ZNRF2: variants seen among roughly 807,000 people sequenced by gnomAD.
The protein encoded by ZNRF2 is E3 ubiquitin-protein ligase ZNRF2.
A neutral mutation model predicts 20.4 loss-of-function variants in ZNRF2; 16 were observed. The ratio of observed to expected loss-of-function variants is 0.79; its 90% CI spans 0.53 to 1.19. The LOEUF (loss-of-function observed/expected upper bound fraction) is 1.19, where lower values mean the gene tolerates loss of function less well. ZNRF2 is among the 50% of genes most tolerant of loss of function. The pLI is 0.00. For synonymous variants in ZNRF2, 178 were observed against 144.9 expected (o/e 1.23, Z -1.64); for missense variants, 363 against 332.4 (o/e 1.09, Z -0.72).
intron 1 of ZNRF2, among the ~76,000 whole-genome samples, chr7:30,303,125 A>G (rs1583571071): frequency 6.6e-6 from 1 of 152,120 alleles, no homozygotes. Context: ...TACCAAAAAT[A>G]GAAAACAATT....
intron 2 of ZNRF2, among the ~76,000 whole-genome samples, chr7:30,335,139 A>G (rs191332767): frequency 2.0e-5 from 3 of 152,278 alleles, no homozygotes; most frequent in Admixed American, 1.3e-4. Flanking sequence ...TTTGAGGACT[A>G]TGACATCTGT....
chr7:30,360,109 GAA>G (rs561975624), intron 3 of ZNRF2, among the ~76,000 whole-genome samples: 4 of 152,146 alleles, frequency 2.6e-5, no homozygotes, highest in Non-Finnish European at 4.4e-5. Flanking sequence ...ATGCCCTAGA[GAA>G]ACTCTTGATC....
At chr7:30,361,129 T>C (rs1490766283) in intron 3 of ZNRF2, among the ~76,000 whole-genome samples, 1 of 152,156 alleles carries the variant, frequency 6.6e-6, no homozygotes, top group African/African-American at 2.4e-5. Flanking sequence ...TATTCAGATA[T>C]ATTATGAATT....
chr7:30,295,050 A>AGAGAGAGTGTGTGTGTGTGT (rs1412764480), intron 1 of ZNRF2, among the ~76,000 whole-genome samples: 1 of 38,282 alleles, frequency 2.6e-5, no homozygotes. Context: ...AGAGAGAGAG[A>AGAGAGAGTGTGTGTGTGTGT]GTGTGTGTGT....
chr7:30,335,768 G>A (rs1799707152), intron 2 of ZNRF2, among the ~76,000 whole-genome samples: 2 of 152,122 alleles, frequency 1.3e-5, no homozygotes, highest in African/African-American at 4.8e-5. Flanking sequence ...GAACTATTTG[G>A]AACTTGGAAT....
intron 2 of ZNRF2, among the ~76,000 whole-genome samples, chr7:30,324,291 T>C (rs1799518747): frequency 6.6e-6 from 1 of 151,452 alleles, no homozygotes; most frequent in Non-Finnish European, 1.5e-5. Context: ...CCCAGCACTT[T>C]GGGAGGCCGA....
At chr7:30,362,538 C>T (rs567094230) in intron 4 of ZNRF2, 82 bp downstream of exon 4, 2 of 769,130 alleles carry the variant, frequency 2.6e-6, no homozygotes, top group South Asian at 4.2e-5. Context: ...TTCATTTACT[C>T]ATTGAGGTGC....
chr7:30,286,714 G>T (rs756341409), intron 1 of ZNRF2, among the ~76,000 whole-genome samples: 1 of 152,182 alleles, frequency 6.6e-6, no homozygotes, highest in Non-Finnish European at 1.5e-5. Flanking sequence ...AACGCTAATA[G>T]TAAATGAATC....
At chr7:30,300,077 G>C (rs1469479621) in intron 1 of ZNRF2, among the ~76,000 whole-genome samples, 3 of 147,912 alleles carry the variant, frequency 2.0e-5, no homozygotes, top group African/African-American at 7.5e-5. Context: ...AGCCATCCCG[G>C]CCGTAAAACC....
In ZNRF2 at chr7:30,364,440, A is replaced by G. The variant is rs144346956; in HGVS notation, c.*23-1595A>G. ...TGAGGCTGCAGTGAGCTATGAACAC[A>G]CCAGTGCACTCCTGCCTGGGTGACT... On this transcript the variant is annotated intron_variant, in intron 4 of 4. Coordinates refer to ENST00000323037, the MANE Select transcript of ZNRF2 (RefSeq NM_147128.4). 3.2e-4 allele frequency among the ~76,000 whole-genome samples: 49 copies of G among 152,282 alleles called. No homozygotes were observed. The East Asian group carries it at 9.1e-3, about 28-fold the overall frequency.
Position 30,285,303 on chromosome 7 carries a change from C to T in ZNRF2, c.-55C>T, listed in dbSNP as rs1377607022. On this transcript the variant is annotated 5_prime_UTR_variant, in exon 1 of 5. Transcript: ENST00000323037. Reference sequence around the variant, plus strand: ...GCCCTCTAGCTCCCGCGCTCGCTCCCGCCCTCCCGGCTCTCGGGGCGCAGC... The same window carrying T: ...GCCCTCTAGCTCCCGCGCTCGCTCCTGCCCTCCCGGCTCTCGGGGCGCAGC... 2.4e-5 allele frequency: 25 copies of T among 1,058,600 alleles called. No homozygotes were observed. In the South Asian group the frequency reaches 7.6e-4, roughly 32 times the overall value. 65.6% of individuals were successfully genotyped at this position (1,058,600 alleles called of 1,614,324 possible).
At chr7:30,333,433 C>T (rs987556436) in intron 2 of ZNRF2, among the ~76,000 whole-genome samples, 9 of 151,182 alleles carry the variant, frequency 6.0e-5, no homozygotes, top group Non-Finnish European at 1.0e-4. Context: ...GCAGTGGCGC[C>T]ATCTCACTTC....
intron 1 of ZNRF2, among the ~76,000 whole-genome samples, chr7:30,322,428 T>G (rs957656770): frequency 6.6e-6 from 1 of 152,114 alleles, no homozygotes; most frequent in South Asian, 2.1e-4. Context: ...TGCCAAAACG[T>G]CTCTTTCACC....
intron 1 of ZNRF2, among the ~76,000 whole-genome samples, chr7:30,287,806 C>G (rs1798819864): frequency 6.6e-6 from 1 of 151,548 alleles, no homozygotes; most frequent in African/African-American, 2.4e-5. Context: ...ACTTTTAGCT[C>G]CAGTGCATTT....
intron 1 of ZNRF2, among the ~76,000 whole-genome samples, chr7:30,313,089 C>G (rs751830184): frequency 6.6e-6 from 1 of 152,118 alleles, no homozygotes; most frequent in African/African-American, 2.4e-5. Context: ...GGTTCTGGAG[C>G]TTACTATCAT....
At chr7:30,307,527 T>A (rs1039132641) in intron 1 of ZNRF2, among the ~76,000 whole-genome samples, 2 of 152,004 alleles carry the variant, frequency 1.3e-5, no homozygotes, top group East Asian at 3.8e-4. Context: ...GGAAGAATTA[T>A]AGACTGAGTC....
intron 1 of ZNRF2, among the ~76,000 whole-genome samples, chr7:30,308,771 A>T (rs8180762): frequency 0.03 from 4,521 of 152,130 alleles, 168 homozygotes; most frequent in African/African-American, 0.088. Flanking sequence ...ATTTTTTTAA[A>T]TTAGAATTTG....
chr7:30,297,095 T>G (rs113940531), intron 1 of ZNRF2, among the ~76,000 whole-genome samples: 4 of 152,136 alleles, frequency 2.6e-5, no homozygotes, highest in Admixed American at 2.0e-4. Context: ...CTGTACAATT[T>G]TGTGTTTTCT....
rs1004583734 is a variant in ZNRF2, at chr7:30,284,686, C to A, written c.-672C>A. The A allele has an allele frequency of 5.6e-5, 9 of 161,038 alleles. No homozygotes were observed. The highest frequency in any genetic ancestry group is 1.9e-4 in the African/African-American group (8 of 41,486). 10.0% of individuals were successfully genotyped at this position (161,038 alleles called of 1,614,324 possible). A position where few individuals can be genotyped will look rare whatever the true frequency, so the allele number is the denominator to read the frequency against. ...GAACCTCCTCCCCATCTGCGCACCC[C>A]CCGCCTTCGCGGCCCAGATCCTCCC... On this transcript the variant is annotated 5_prime_UTR_variant, in exon 1 of 5. Transcript: ENST00000323037.
Sources: gnomAD v4.1 joint callset for allele counts (sites outside exome capture counted in the v4.1 genomes callset) on GRCh38, gnomAD v4.1.1 for gene constraint, MANE v1.5 for transcripts, NCBI Gene and HGNC (gene_info 2026-07-23, HGNC 2026-07-21) for gene names.